ZNF846: variants seen among roughly 807,000 people sequenced by gnomAD.
ZNF846 encodes zinc finger protein 420 pseudogene.
A neutral mutation model predicts 16.0 loss-of-function variants in ZNF846; 15 were observed. The observed-to-expected ratio is 0.94, with a 90% confidence interval of 0.63 to 1.45. ZNF846 has a LOEUF of 1.45. Among genes scored for constraint, ZNF846 ranks in the 40% most tolerant of loss-of-function variants. The pLI, the probability that ZNF846 is intolerant of heterozygous loss-of-function variation, is 0.00. For synonymous variants in ZNF846, 229 were observed against 212.0 expected (o/e 1.08, Z -0.70); for missense variants, 714 against 622.3 (o/e 1.15, Z -1.57).
chr19:9,751,720 C>T (rs1248007794), downstream of ZNF846, among the ~76,000 whole-genome samples: 1 of 152,156 alleles, frequency 6.6e-6, no homozygotes, highest in Admixed American at 6.5e-5. Flanking sequence ...AAGACATCCT[C>T]CCCGCCCTTG....
chr19:9,780,048 GT>G (rs558280116), intron 1 of ZNF846, among the ~76,000 whole-genome samples: 24 of 124,290 alleles, frequency 1.9e-4, no homozygotes, highest in Non-Finnish European at 2.9e-4. Flanking sequence ...AGCTAATTTT[GT>G]TTTTTTTTTT....
chr19:9,772,332 G>A (rs1003581517), upstream of ZNF846, among the ~76,000 whole-genome samples: 1 of 152,030 alleles, frequency 6.6e-6, no homozygotes, highest in Non-Finnish European at 1.5e-5. Context: ...GGGCATGGAG[G>A]CTCACACCTG....
chr19:9,773,190 A>G (rs1381875403), upstream of ZNF846, among the ~76,000 whole-genome samples: 2 of 152,128 alleles, frequency 1.3e-5, no homozygotes, highest in Non-Finnish European at 2.9e-5. Flanking sequence ...ATTTATTATT[A>G]TTGTTATTAT....
intron 1 of ZNF846, among the ~76,000 whole-genome samples, chr19:9,784,737 G>A (rs781643183): frequency 6.6e-6 from 1 of 152,082 alleles, no homozygotes; most frequent in Non-Finnish European, 1.5e-5. Context: ...AGGTGCCTGC[G>A]GCCTTCCACA....
downstream of ZNF846, chr19:9,756,454 T>A (rs2045138379): frequency 6.8e-6 from 1 of 147,422 alleles, no homozygotes; most frequent in African/African-American, 2.6e-5. Flanking sequence ...TATTAACACA[T>A]GAGACAGAAG....
intron 1 of ZNF846, among the ~76,000 whole-genome samples, chr19:9,782,042 G>A (rs778520819): frequency 1.3e-5 from 2 of 151,960 alleles, no homozygotes; most frequent in Non-Finnish European, 2.9e-5. Context: ...CTCCCAAAGT[G>A]CTGGGATTAC....
chr19:9,780,060 G>T (rs28793934), intron 1 of ZNF846, among the ~76,000 whole-genome samples: 18,849 of 121,836 alleles, frequency 0.15, 2,855 homozygotes, highest in African/African-American at 0.39. Context: ...TTTTTTTTTT[G>T]TTTTTTTTTT....
At chr19:9,784,756 T>C (rs560297958) in intron 1 of ZNF846, among the ~76,000 whole-genome samples, 3 of 152,290 alleles carry the variant, frequency 2.0e-5, no homozygotes, top group Non-Finnish European at 4.4e-5. Context: ...CAGTGCACTG[T>C]GTCCCTGGGT....
At chr19:9,785,860 C>G (rs1042792384) in intron 1 of ZNF846, 1 of 134,498 alleles carries the variant, frequency 7.4e-6, no homozygotes, top group African/African-American at 2.9e-5. Context: ...ACCCAGTCCC[C>G]GCTCCCATCT....
intron 4 of ZNF846, among the ~76,000 whole-genome samples, chr19:9,760,267 G>A (rs986072066): frequency 6.7e-6 from 1 of 150,294 alleles, no homozygotes; most frequent in Non-Finnish European, 1.5e-5. Flanking sequence ...ACTCCAGCCT[G>A]GGCTACAGAG....
At chr19:9,753,643 T>G (rs2045105979), downstream of ZNF846, among the ~76,000 whole-genome samples, 1 of 151,750 alleles carries the variant, frequency 6.6e-6, no homozygotes, top group South Asian at 2.1e-4. Flanking sequence ...TTTTCTAATT[T>G]ACCTTGTGAA....
intron 2 of ZNF846, 67 bp from the exon 3 acceptor site, chr19:9,763,475 A>C: frequency 6.8e-7 from 1 of 1,468,426 alleles, no homozygotes; most frequent in Non-Finnish European, 9.1e-7. Flanking sequence ...AGAAAAATGC[A>C]TGAAGGACTA....
Position 9,762,671 on chromosome 19 carries a change from C to T in ZNF846, c.143-503G>A, listed in dbSNP as rs534717942. On this transcript the variant is annotated intron_variant, in intron 3 of 5. Coordinates refer to ENST00000397902, the Ensembl canonical transcript of ZNF846. ...TTATTTTCATGGGGAATCCTCTACACCAGGGGTGTCCAATCTTTTGGCTTC... is the reference window on the plus strand; with the variant it reads ...TTATTTTCATGGGGAATCCTCTACATCAGGGGTGTCCAATCTTTTGGCTTC... Among the ~76,000 whole-genome samples, 6 of 152,294 alleles carry T rather than the reference C, an allele frequency of 3.9e-5. 1 individual carries two copies. In the South Asian group the frequency reaches 1.0e-3, roughly 26 times the overall value.
chr19:9,755,725 G>C (rs1345841568), downstream of ZNF846: 4 of 130,762 alleles, frequency 3.1e-5, no homozygotes, highest in Non-Finnish European at 4.8e-5. Flanking sequence ...GCGTGAACCC[G>C]GGAGGCGGAG....
chr19:9,749,008 G>A (rs979077715), downstream of ZNF846, among the ~76,000 whole-genome samples: 4 of 152,062 alleles, frequency 2.6e-5, no homozygotes, highest in Non-Finnish European at 5.9e-5. Context: ...CAACCGCGAT[G>A]GACTGCTTAG....
downstream of ZNF846, among the ~76,000 whole-genome samples, chr19:9,753,618 A>G (rs1336310677): frequency 6.6e-6 from 1 of 151,490 alleles, no homozygotes; most frequent in Non-Finnish European, 1.5e-5. Context: ...CTTTGTTTTC[A>G]TTTGTCTCAA....
chr19:9,754,165 C>T (rs2045111474), downstream of ZNF846, among the ~76,000 whole-genome samples: 1 of 151,588 alleles, frequency 6.6e-6, no homozygotes, highest in Admixed American at 6.6e-5. Context: ...TTCAAGTTTA[C>T]TTTGTCTGAT....
intron 2 of ZNF846, among the ~76,000 whole-genome samples, chr19:9,764,166 T>C (rs977785079): frequency 5.9e-5 from 9 of 152,210 alleles, no homozygotes; most frequent in Non-Finnish European, 1.0e-4. Flanking sequence ...TGCCTGTCCA[T>C]ATGGATAAAC....
chr19:9,752,537 C>G (rs948574216), downstream of ZNF846: 2 of 234,932 alleles, frequency 8.5e-6, no homozygotes, highest in East Asian at 2.8e-4. Flanking sequence ...ATCACTTGAA[C>G]CTGGGAGGTG....
Sources: allele counts gnomAD v4.1 joint callset (sites outside exome capture counted in the v4.1 genomes callset), GRCh38; gene constraint gnomAD v4.1.1; transcripts MANE v1.5; gene names NCBI Gene and HGNC (gene_info 2026-07-23, HGNC 2026-07-21).